Variants in DMAC2 observed in about 807,000 individuals in gnomAD.
DMAC2 encodes the protein distal membrane arm assembly component 2, also known as distal membrane-arm assembly complex protein 2.
DMAC2 carries 32 observed loss-of-function variants against 29.6 expected under a neutral mutation model. The observed-to-expected ratio is 1.08, with a 90% CI of 0.81 to 1.45. DMAC2 has a LOEUF of 1.45. Ranked by LOEUF, DMAC2 falls within the 40% of genes most tolerant of loss-of-function variation. DMAC2 has a pLI of 0.00. For synonymous variants in DMAC2, 133 were observed against 137.4 expected (o/e 0.97, Z 0.23); for missense variants, 319 against 340.0 (o/e 0.94, Z 0.49).
Position 41,433,842 on chromosome 19 carries a change from A to C in DMAC2, c.297-169T>G, listed in dbSNP as rs180790292. On this transcript the variant is annotated intron_variant, in intron 3 of 5. Coordinates refer to ENST00000221943, the MANE Select transcript of DMAC2 (RefSeq NM_018035.3). Reference sequence around the variant, plus strand: ...GCTGTGCGCAGTGGCTCACGCCTGTAATCCCAGCACTTTGGGAGGCTGAGG... The same window carrying C: ...GCTGTGCGCAGTGGCTCACGCCTGTCATCCCAGCACTTTGGGAGGCTGAGG... 4.6e-5 allele frequency among the ~76,000 whole-genome samples: 7 copies of C among 152,354 alleles called. No individual in the cohort carries two copies. The East Asian group carries it at 1.4e-3, about 29-fold the overall frequency.
chr19:41,433,824 G>T, intron 3 of DMAC2, 151 bp from the exon 4 acceptor site: 2 of 1,111,122 alleles, frequency 1.8e-6, no homozygotes, highest in South Asian at 3.2e-5. Context: ...CTGGCTGTGC[G>T]CAGTGGCTCA....
Position 41,433,272 on chromosome 19 carries a change from T to C in DMAC2, c.596A>G (p.Gln199Arg), listed in dbSNP as rs375351812. The change falls in exon 5 of 6, where the codon CAG (glutamine) becomes CGG (arginine). Residue 199 changes from glutamine (Q) to arginine (R), a missense_variant and splice_region_variant. Coordinates refer to ENST00000221943, the MANE Select transcript of DMAC2 (RefSeq NM_018035.3). ...GGCCCAGCCTGAGCTGAGGTCTCAC[T>C]GGAGGTGGTGGAGGCAGGCGAGGCC... ...ERGLACLHHL[Q>R]NLRRLDISDL... 73 of 1,607,012 alleles carry C rather than the reference T, an allele frequency of 4.5e-5. No homozygotes were observed. In the Middle Eastern group the frequency reaches 1.6e-3, roughly 34 times the overall value.
rs1224967137 is a variant in DMAC2 at position 41,439,630 on chromosome 19, C to T, written c.18+252G>A. On this transcript the variant is annotated intron_variant, in intron 1 of 5. Transcript: ENST00000221943. ...CGCGTCGCTCTTCGGCAGCCACTCC[C>T]TCATCCCCATTGGATACTCTCAGCC... The T allele has an allele frequency of 1.5e-5, 22 of 1,452,458 alleles. No homozygotes were observed. The East Asian group carries it at 2.5e-4, about 16-fold the overall frequency. 90.0% of individuals were successfully genotyped at this position (1,452,458 alleles called of 1,614,324 possible). A position where few individuals can be genotyped will look rare whatever the true frequency, so the allele number is the denominator to read the frequency against.
At chr19:41,432,441 G>T in intron 5 of DMAC2, 33 bp from the exon 6 acceptor site, 11 of 1,605,956 alleles carry the variant, frequency 6.8e-6, no homozygotes, top group Non-Finnish European at 8.5e-6. Flanking sequence ...GGAAGCCAGT[G>T]TAAGGACAGC....
In DMAC2 at chr19:41,433,315, G is replaced by C. The variant is rs1555770021; in HGVS notation, c.553C>G (p.Pro185Ala). The C allele has an allele frequency of 1.2e-6, 2 of 1,611,418 alleles. No individual in the cohort carries two copies. Residue 185 changes from proline to alanine, a missense_variant, in exon 5 of 6, where the codon CCC becomes GCC. Transcript: ENST00000221943. ...GCGAGGCCCCGTTCGGAGATGCGGG[G>C]GCAACCGGCCAGCGAGAGCTCCTGC... ...SLQELSLAGC[P>A]RISERGLACL...
At chr19:41,439,786 C>T (rs2040059686) in intron 1 of DMAC2, 96 bp downstream of exon 1, 4 of 1,586,822 alleles carry the variant, frequency 2.5e-6, no homozygotes, top group Non-Finnish European at 3.5e-6. Context: ...TGCTGCCTCA[C>T]GGCTTTCTGC....
At chr19:41,432,706 CGTGTGTGT>C (rs72065187) in intron 5 of DMAC2, 21 of 209,062 alleles carry the variant, frequency 1.0e-4, no homozygotes, top group African/African-American at 6.0e-4. Context: ...ATAAGGACAG[CGTGTGTGT>C]GTGTGTGTGT....
rs545535836 is a variant in DMAC2, at chr19:41,438,430, G to A, written c.19-16C>T. On this transcript the variant is annotated splice_polypyrimidine_tract_variant and intron_variant, in intron 1 of 5. Transcript: ENST00000221943. ...GGCGCAGGGACTGGGGAGGGGGAGA[G>A]GAAAGGAGCTGAGCCTGGAGCCTCC... 1.5e-4 allele frequency: 243 copies of A among 1,604,104 alleles called. 2 individuals are homozygous for A. In the South Asian group the frequency reaches 2.6e-3, roughly 17 times the overall value.
At chr19:41,435,363 G>A (rs1047517588) in intron 3 of DMAC2, among the ~76,000 whole-genome samples, 1 of 151,898 alleles carries the variant, frequency 6.6e-6, no homozygotes. Context: ...TCTGCATCCC[G>A]GCTTCTAAGG....
chr19:41,436,926 A>AATT (rs1211610812), intron 2 of DMAC2, among the ~76,000 whole-genome samples: 5 of 152,174 alleles, frequency 3.3e-5, no homozygotes, highest in African/African-American at 1.2e-4. Flanking sequence ...CAGAGACTTG[A>AATT]ATTAGGATGG....
At chr19:41,432,697 TAAG>T (rs1337668546) in intron 5 of DMAC2, 1 of 291,610 alleles carries the variant, frequency 3.4e-6, no homozygotes, top group Non-Finnish European at 5.8e-6. Flanking sequence ...TAAGCCAGTA[TAAG>T]GACAGCGTGT....
chr19:41,432,882 G>A (rs1429527259), intron 5 of DMAC2: 4 of 508,538 alleles, frequency 7.9e-6, no homozygotes, highest in Non-Finnish European at 1.4e-5. Flanking sequence ...GTGTGTGTGT[G>A]CGTGCGTGCA....
In DMAC2 at chr19:41,432,904, G is replaced by A. The variant is rs2039647512; in HGVS notation, c.596+368C>T. 5.7e-6 allele frequency: 3 copies of A among 528,758 alleles called. No homozygotes were observed. The Admixed American group carries it at 1.1e-4, about 19-fold the overall frequency. The allele number at this position is 528,758 out of a possible 1,614,324, so 32.8% of individuals were successfully genotyped here. A position where few individuals can be genotyped will look rare whatever the true frequency, so the allele number is the denominator to read the frequency against. Reference sequence around the variant, plus strand: ...TGTGCGTGCGTGCATGCGTGCATGTGTGTGTGTATAGGGAGGTACTGGCCC... The same window carrying A: ...TGTGCGTGCGTGCATGCGTGCATGTATGTGTGTATAGGGAGGTACTGGCCC... On this transcript the variant is annotated intron_variant, in intron 5 of 5. Coordinates refer to ENST00000221943, the MANE Select transcript of DMAC2 (RefSeq NM_018035.3).
chr19:41,433,596 G>A lies in DMAC2; in HGVS notation c.374C>T (p.Pro125Leu). Residue 125 changes from proline to leucine, a missense_variant, in exon 4 of 6, where the codon CCT becomes CTT. Coordinates refer to ENST00000221943, the MANE Select transcript of DMAC2 (RefSeq NM_018035.3). ...GTCACCGGCATCCACAGCTTCGACA[G>A]GCACTTCACAGAAATTCCAGAACTC... ...SQEFWNFCEV[P>L]VEAVDAGDCD... 1 of 1,614,184 alleles carries A rather than the reference G, an allele frequency of 6.2e-7. No homozygotes were observed. The highest frequency in any genetic ancestry group is 8.5e-7 in the Non-Finnish European group (1 of 1,180,030).
rs781919298 is a variant in DMAC2 at position 41,439,875 on chromosome 19, C to T, written c.18+7G>A. On this transcript the variant is annotated splice_region_variant and intron_variant, in intron 1 of 5. Transcript: ENST00000221943. ...AATTTGGGGCTCTAGGAACTCCGGTCACTTACCGCCCAGGGAGCCGCCATC... is the reference window on the plus strand; with the variant it reads ...AATTTGGGGCTCTAGGAACTCCGGTTACTTACCGCCCAGGGAGCCGCCATC... The T allele has an allele frequency of 1.9e-6, 3 of 1,614,164 alleles. No homozygotes were observed. Among genetic ancestry groups the T allele is most frequent in the South Asian group, 2.2e-5 (2 of 91,064 alleles).
chr19:41,432,785 T>TGCGTGC, intron 5 of DMAC2: 5 of 135,468 alleles, frequency 3.7e-5, no homozygotes, highest in Non-Finnish European at 6.5e-5. Flanking sequence ...ACAGCGTGCG[T>TGCGTGC]GTGTGTGTGT....
Position 41,438,422 on chromosome 19 carries a change from G to A in DMAC2, c.19-8C>T, listed in dbSNP as rs1254376516. On this transcript the variant is annotated splice_polypyrimidine_tract_variant and splice_region_variant and intron_variant, in intron 1 of 5. Coordinates refer to ENST00000221943, the MANE Select transcript of DMAC2 (RefSeq NM_018035.3). Reference sequence around the variant, plus strand: ...GGCGACCAGGCGCAGGGACTGGGGAGGGGGAGAGGAAAGGAGCTGAGCCTG... The same window carrying A: ...GGCGACCAGGCGCAGGGACTGGGGAAGGGGAGAGGAAAGGAGCTGAGCCTG... The A allele has an allele frequency of 6.8e-6, 11 of 1,608,636 alleles. No individual in the cohort carries two copies. Among genetic ancestry groups the A allele is most frequent in the South Asian group, 2.2e-5 (2 of 90,650 alleles).
At position 41,432,777 on chromosome 19, in the gene DMAC2, AGCGTGCGTGT is replaced by A. The variant is rs782566224; in HGVS notation, c.597-379_597-370del. ...GCGTGTGTGTAGGGAGGTACAGGAC[AGCGTGCGTGT>A]GTGTGTGTGTGTGTGTGTGTGTGTG... On this transcript the variant is annotated intron_variant, in intron 5 of 5. Transcript: ENST00000221943. 3.8e-3 allele frequency: 1,154 copies of A among 301,718 alleles called. 13 individuals carry two copies. The highest frequency in any genetic ancestry group is 0.02 in the African/African-American group (403 of 20,478). The allele number at this position is 301,718 out of a possible 1,614,324, so 18.7% of individuals were successfully genotyped here.
At chr19:41,432,729 GTA>G (rs2039613617) in intron 5 of DMAC2, 3 of 398,314 alleles carry the variant, frequency 7.5e-6, no homozygotes, top group Non-Finnish European at 4.6e-6. Context: ...GTGTGTGTGT[GTA>G]GGGAGGTACA....
Sources: gnomAD v4.1 joint callset for allele counts (sites outside exome capture counted in the v4.1 genomes callset) on GRCh38, gnomAD v4.1.1 for gene constraint, MANE v1.5 for transcripts, NCBI Gene and HGNC (gene_info 2026-07-23, HGNC 2026-07-21) for gene names.